Variants in SLC4A4 observed in about 807,000 individuals in gnomAD.
SLC4A4 encodes electrogenic sodium bicarbonate cotransporter 1.
A neutral mutation model predicts 111.5 loss-of-function variants in SLC4A4; 27 were observed. The ratio of observed to expected loss-of-function variants is 0.24; its 90% CI spans 0.18 to 0.33. SLC4A4 has a LOEUF of 0.33. Ranked by LOEUF, SLC4A4 falls within the 10% of genes least tolerant of loss-of-function variation. SLC4A4 has a pLI of 1.00. For missense variants in SLC4A4, 909 were observed against 1,315.5 expected (o/e 0.69, Z 4.78); for synonymous variants, 443 against 463.4 (o/e 0.96, Z 0.57).
intron 5 of SLC4A4, 40 bp from the exon 6 acceptor site, chr4:71,356,968 T>G: frequency 1.2e-6 from 2 of 1,600,304 alleles, no homozygotes; most frequent in Non-Finnish European, 1.7e-6. Flanking sequence ...TTTGTGGTCT[T>G]GTGACTGAGT....
At chr4:71,190,413 CACACACACACACACACAG>C (rs964228529) in intron 1 of SLC4A4, among the ~76,000 whole-genome samples, 3 of 151,520 alleles carry the variant, frequency 2.0e-5, no homozygotes, top group Non-Finnish European at 3.0e-5. Context: ...CACACACACA[CACACACACACACACACAG>C]ACACAACTCA....
At chr4:71,363,538 T>C (rs1409543213) in intron 6 of SLC4A4, among the ~76,000 whole-genome samples, 2 of 152,160 alleles carry the variant, frequency 1.3e-5, no homozygotes, top group Non-Finnish European at 2.9e-5. Context: ...TCAGACATGG[T>C]CCCTTAATCA....
intron 7 of SLC4A4, among the ~76,000 whole-genome samples, chr4:71,439,661 C>T (rs912435397): frequency 7.9e-5 from 12 of 151,652 alleles, no homozygotes; most frequent in Admixed American, 2.0e-4. Flanking sequence ...TATATCTTCT[C>T]CTATTCCTAT....
At chr4:71,080,207 A>G (rs1741955116) in intron 1 of SLC4A4, among the ~76,000 whole-genome samples, 1 of 152,056 alleles carries the variant, frequency 6.6e-6, no homozygotes, top group South Asian at 2.1e-4. Context: ...TGTCACTGCG[A>G]CGCTATGTGT....
At chr4:71,121,364 G>T (rs1743419566) in intron 2 of SLC4A4, among the ~76,000 whole-genome samples, 1 of 152,236 alleles carries the variant, frequency 6.6e-6, no homozygotes, top group African/African-American at 2.4e-5. Context: ...CAGGCACCAG[G>T]CGTGGGACTG....
At chr4:71,436,648 A>G (rs563568900) in intron 7 of SLC4A4, among the ~76,000 whole-genome samples, 2 of 152,326 alleles carry the variant, frequency 1.3e-5, no homozygotes, top group South Asian at 4.1e-4. Context: ...ACAGAGACCA[A>G]AGTCAGTGCT....
intron 16 of SLC4A4, among the ~76,000 whole-genome samples, chr4:71,502,081 C>T (rs183818736): frequency 1.3e-5 from 2 of 152,326 alleles, no homozygotes; most frequent in Non-Finnish European, 2.9e-5. Flanking sequence ...TGTGCCTCAA[C>T]CTCCTGAGTA....
chr4:71,071,025 C>T (rs1034104181), intron 1 of SLC4A4, among the ~76,000 whole-genome samples: 65 of 152,158 alleles, frequency 4.3e-4, no homozygotes, highest in Non-Finnish European at 7.2e-4. Flanking sequence ...TATCCCAGCA[C>T]TTTGGGATGC....
intron 1 of SLC4A4, 43 bp from the exon 2 acceptor site, chr4:71,236,533 A>G (rs769561245): frequency 1.3e-6 from 2 of 1,570,688 alleles, no homozygotes; most frequent in Admixed American, 1.7e-5. Context: ...GGCTCGCTCC[A>G]GGAGAAGTCT....
chr4:71,427,720 G>C (rs1723272245), intron 7 of SLC4A4, among the ~76,000 whole-genome samples: 1 of 152,098 alleles, frequency 6.6e-6, no homozygotes, highest in Non-Finnish European at 1.5e-5. Flanking sequence ...ATTTGGGTTA[G>C]GGGCAGGTCA....
At chr4:71,319,487 T>C (rs898522974) in intron 3 of SLC4A4, among the ~76,000 whole-genome samples, 9 of 152,044 alleles carry the variant, frequency 5.9e-5, no homozygotes, top group African/African-American at 2.2e-4. Context: ...CTACACATCT[T>C]TGACTAAATA....
chr4:71,404,246 T>C (rs1159664352), intron 7 of SLC4A4, among the ~76,000 whole-genome samples: 1 of 152,136 alleles, frequency 6.6e-6, no homozygotes, highest in Non-Finnish European at 1.5e-5. Flanking sequence ...TGACACATGA[T>C]TCATGAAAGC....
intron 3 of SLC4A4, among the ~76,000 whole-genome samples, chr4:71,279,813 T>C (rs925674362): frequency 7.2e-5 from 11 of 152,194 alleles, no homozygotes; most frequent in African/African-American, 2.7e-4. Context: ...TTTATTTTTT[T>C]GAGATGGAAT....
intron 12 of SLC4A4, among the ~76,000 whole-genome samples, chr4:71,460,120 C>T (rs903234461): frequency 4.6e-5 from 7 of 151,700 alleles, no homozygotes; most frequent in Non-Finnish European, 1.0e-4. Context: ...TGTCTTTTAA[C>T]CTTATTTATG....
At chr4:71,302,100 C>CAT (rs1261519899) in intron 3 of SLC4A4, among the ~76,000 whole-genome samples, 6 of 152,048 alleles carry the variant, frequency 3.9e-5, no homozygotes, top group Non-Finnish European at 5.9e-5. Context: ...GGAGGGGTTA[C>CAT]ATATATGAGT....
rs1273853901 is a variant in SLC4A4 at position 71,143,888 on chromosome 4, C to T, written c.-2+51096C>T. On this transcript the variant is annotated intron_variant, in intron 2 of 26. Coordinates refer to the SLC4A4 transcript ENST00000649996. Reference sequence around the variant, plus strand: ...TGGGTTGCAAAAATTTTCTCCCATTCTGTAGGTTGCCTGTTCACTCTGATG... The same window carrying T: ...TGGGTTGCAAAAATTTTCTCCCATTTTGTAGGTTGCCTGTTCACTCTGATG... Among the ~76,000 whole-genome samples the T allele has an allele frequency of 7.9e-4, 120 of 152,012 alleles. 1 individual carries two copies. Among genetic ancestry groups the T allele is most frequent in the Non-Finnish European group, 1.4e-3 (96 of 68,016 alleles).
intron 15 of SLC4A4, among the ~76,000 whole-genome samples, chr4:71,491,985 A>G (rs1013573877): frequency 1.3e-5 from 2 of 151,436 alleles, no homozygotes; most frequent in African/African-American, 4.8e-5. Flanking sequence ...TACTACCCAG[A>G]GATGCTGTTA....
Position 71,417,201 on chromosome 4 carries a change from A to G in SLC4A4, c.807+19548A>G, listed in dbSNP as rs1721903979. Among the ~76,000 whole-genome samples, 3 of 152,324 alleles carry G rather than the reference A, an allele frequency of 2.0e-5. No individual in the cohort carries two copies. The South Asian group carries it at 6.2e-4, about 32-fold the overall frequency. The stretch of plus-strand genomic sequence containing the variant: ...CTGAGGAAACAAAGTTGAATGATAC[A>G]TGGTTTCTTTTCTTAGGGTACTTTA... On this transcript the variant is annotated intron_variant, in intron 7 of 25. Coordinates refer to ENST00000264485, the MANE Select transcript of SLC4A4 (RefSeq NM_001098484.3).
At chr4:71,216,180 A>G (rs1461447640) in intron 1 of SLC4A4, among the ~76,000 whole-genome samples, 3 of 152,200 alleles carry the variant, frequency 2.0e-5, no homozygotes, top group Non-Finnish European at 4.4e-5. Context: ...ATGTGCTGGG[A>G]TTACAGGCGT....
Sources: allele counts gnomAD v4.1 joint callset (sites outside exome capture counted in the v4.1 genomes callset), GRCh38; gene constraint gnomAD v4.1.1; transcripts MANE v1.5; gene names NCBI Gene and HGNC (gene_info 2026-07-23, HGNC 2026-07-21).